The following VPS25 variants were observed in gnomAD, a reference collection of about 807,000 sequenced individuals.
The protein encoded by VPS25 is vacuolar protein-sorting-associated protein 25.
A neutral mutation model predicts 30.3 loss-of-function variants in VPS25; 21 were observed. The ratio of observed to expected loss-of-function variants is 0.69; its 90% CI spans 0.49 to 1.00. The LOEUF is 1.00. Ranked by LOEUF, VPS25 falls within the 50% of genes least tolerant of loss-of-function variation. The pLI is 0.00. For synonymous variants in VPS25, 101 were observed against 88.1 expected (o/e 1.15, Z -0.82); for missense variants, 156 against 217.2 (o/e 0.72, Z 1.77).
At position 42,773,844 on chromosome 17, in the gene VPS25, G is replaced by GGA; in HGVS notation, c.169_170dup (p.Ser57ArgfsTer23). 1 of 1,613,946 alleles carries GGA rather than the reference G, an allele frequency of 6.2e-7. No homozygotes were observed. The highest frequency in any genetic ancestry group is 8.5e-7 in the Non-Finnish European group (1 of 1,180,028). On this transcript the variant is annotated frameshift_variant, in exon 2 of 6. Transcript: ENST00000253794. LOFTEE classifies it high-confidence loss of function. The stretch of plus-strand genomic sequence containing the variant: ...CCAGCATGACGGTGATGGAAGCTCA[G>GGA]GAGAGCCCGCTCTTCAACAACGTCA...
In VPS25 at chr17:42,779,314, AGACTGTCCTT is replaced by A; in HGVS notation, c.*248_*257del. The stretch of plus-strand genomic sequence containing the variant: ...CTCGCCCTACCTCCTTTCCCATCCT[AGACTGTCCTT>A]GAGCCAGGGTCTGTAAACCTGACAC... On this transcript the variant is annotated 3_prime_UTR_variant, in exon 6 of 6. Transcript: ENST00000253794. 1 of 458,432 alleles carries A rather than the reference AGACTGTCCTT, an allele frequency of 2.2e-6. No individual in the cohort carries two copies. Among genetic ancestry groups the A allele is most frequent in the Admixed American group, 3.4e-5 (1 of 29,660 alleles). 28.4% of individuals were successfully genotyped at this position (458,432 alleles called of 1,614,324 possible).
intron 5 of VPS25, 79 bp from the exon 6 acceptor site, chr17:42,778,878 C>T (rs1243215718): frequency 5.9e-6 from 8 of 1,366,562 alleles, no homozygotes; most frequent in Admixed American, 3.8e-5. Flanking sequence ...TGGGAGGTCT[C>T]GGCTTCCAGC....
chr17:42,777,751 AAGGATTTGTAT>A (rs2054444152), intron 5 of VPS25, among the ~76,000 whole-genome samples: 1 of 152,150 alleles, frequency 6.6e-6, no homozygotes, highest in Non-Finnish European at 1.5e-5. Flanking sequence ...CTGGCCAGGC[AAGGATTTGTAT>A]AGTGTTTGAT....
At chr17:42,776,385 T>C (rs2054435781) in intron 5 of VPS25, 65 bp downstream of exon 5, 1 of 1,488,606 alleles carries the variant, frequency 6.7e-7, no homozygotes, top group South Asian at 1.2e-5. Context: ...TTTTCCGATA[T>C]GGAGTCTTGC....
chr17:42,773,877 G>T lies in VPS25; in HGVS notation c.198G>T (p.Gln66His). Residue 66 changes from glutamine to histidine, a missense_variant and splice_region_variant, in exon 2 of 6, where the codon CAG becomes CAT. Physicochemically the swap from Gln to His is conservative, Grantham distance 24 (BLOSUM62 0). Coordinates refer to ENST00000253794, the MANE Select transcript of VPS25 (RefSeq NM_032353.4). ...ESPLFNNVKL[Q>H]RKLPVESIQI... ...CGCTCTTCAACAACGTCAAGCTACA[G>T]CGTATCCTCCCTCAGGCTCTTCCAC... 1 of 1,612,622 alleles carries T rather than the reference G, an allele frequency of 6.2e-7. No homozygotes were observed.
At position 42,773,548 on chromosome 17, in the gene VPS25, A is replaced by G. The variant is rs763093241; in HGVS notation, c.53+20A>G. 1 of 1,614,050 alleles carries G rather than the reference A, an allele frequency of 6.2e-7. No homozygotes were observed. Among genetic ancestry groups the G allele is most frequent in the Non-Finnish European group, 8.5e-7 (1 of 1,179,996 alleles). ...CTTTACGTGAGGCTCAGACCCCAAG[A>G]AGCACCGCTGTGCCTCCCTCCCCTC... On this transcript the variant is annotated intron_variant, in intron 1 of 5. Coordinates refer to ENST00000253794, the MANE Select transcript of VPS25 (RefSeq NM_032353.4).
Position 42,776,857 on chromosome 17 carries a change from C to T in VPS25, c.418+537C>T, listed in dbSNP as rs533805168. Among the ~76,000 whole-genome samples, 30 of 152,314 alleles carry T rather than the reference C, an allele frequency of 2.0e-4. No homozygotes were observed. The South Asian group carries it at 5.8e-3, about 29-fold the overall frequency. On this transcript the variant is annotated intron_variant, in intron 5 of 5. Coordinates refer to ENST00000253794, the MANE Select transcript of VPS25 (RefSeq NM_032353.4). ...AATTTTGTTTTTGTGGATGCATGTGCATTTTTCTAGGGATAGATTAGATAT... is the reference window on the plus strand; with the variant it reads ...AATTTTGTTTTTGTGGATGCATGTGTATTTTTCTAGGGATAGATTAGATAT...
At chr17:42,774,312 A>T (rs1251353987) in intron 2 of VPS25, 2 of 296,632 alleles carry the variant, frequency 6.7e-6, no homozygotes, top group African/African-American at 4.3e-5. Flanking sequence ...GGCTGAAGGA[A>T]GGCAACAGAC....
intron 3 of VPS25, chr17:42,774,996 G>A (rs1322303765): frequency 1.0e-5 from 4 of 394,572 alleles, no homozygotes; most frequent in African/African-American, 6.1e-5. Flanking sequence ...CTTCCACTCT[G>A]TCCCACCTTG....
At position 42,779,450 on chromosome 17, in the gene VPS25, TCTC is replaced by T. The variant is rs1302968050; in HGVS notation, c.*382_*384del. 1 of 205,844 alleles carries T rather than the reference TCTC, an allele frequency of 4.9e-6. No individual in the cohort carries two copies. Among genetic ancestry groups the T allele is most frequent in the Non-Finnish European group, 1.0e-5 (1 of 97,732 alleles). 12.8% of individuals were successfully genotyped at this position (205,844 alleles called of 1,614,324 possible). A position where few individuals can be genotyped will look rare whatever the true frequency, so the allele number is the denominator to read the frequency against. On this transcript the variant is annotated 3_prime_UTR_variant, in exon 6 of 6. Coordinates refer to ENST00000253794, the MANE Select transcript of VPS25 (RefSeq NM_032353.4). Reference sequence around the variant, plus strand: ...CCCCTTTAGCTGCTGTTGCCTCCCTTCTCAGGCTGGTGCTGGATCCTTCCTAGG... The same window carrying T: ...CCCCTTTAGCTGCTGTTGCCTCCCTTAGGCTGGTGCTGGATCCTTCCTAGG...
intron 5 of VPS25, among the ~76,000 whole-genome samples, chr17:42,777,809 C>T (rs766662007): frequency 1.3e-5 from 2 of 152,154 alleles, no homozygotes; most frequent in Non-Finnish European, 2.9e-5. Flanking sequence ...TCTTTTTCTC[C>T]GACTCCAGAT....
intron 4 of VPS25, among the ~76,000 whole-genome samples, chr17:42,775,903 C>A (rs1473089103): frequency 6.6e-6 from 1 of 152,186 alleles, no homozygotes; most frequent in African/African-American, 2.4e-5. Flanking sequence ...AACCACCAGT[C>A]CCAAACATTC....
intron 3 of VPS25, 143 bp from the exon 4 acceptor site, chr17:42,775,237 AT>A (rs2054429722): frequency 1.7e-6 from 1 of 600,122 alleles, no homozygotes; most frequent in Non-Finnish European, 2.9e-6. Flanking sequence ...TATAGAGAGA[AT>A]TTTTTTGTAT....
chr17:42,775,519 T>C, intron 4 of VPS25, 50 bp downstream of exon 4: 1 of 1,489,728 alleles, frequency 6.7e-7, no homozygotes, highest in South Asian at 1.1e-5. Flanking sequence ...TGGAAAAGGT[T>C]AACTATATTA....
intron 3 of VPS25, 86 bp from the exon 4 acceptor site, chr17:42,775,294 TG>T: frequency 1.0e-6 from 1 of 1,004,266 alleles, no homozygotes; most frequent in Non-Finnish European, 1.5e-6. Context: ...TTCGAACTCC[TG>T]GGCTCAAGCA....
At position 42,774,668 on chromosome 17, in the gene VPS25, C is replaced by G; in HGVS notation, c.222C>G (p.Ile74Met). 1.2e-6 allele frequency: 2 copies of G among 1,613,170 alleles called. No individual in the cohort carries two copies. The highest frequency in any genetic ancestry group is 2.2e-5 in the East Asian group (1 of 44,872). ...CAGGAAAGCTTCCTGTGGAGTCGAT[C>G]CAGATTGTATTAGAGGAACTGAGGA... ...KLQRKLPVESIQIVLEELRKK... is the reference protein window; with the variant it reads ...KLQRKLPVESMQIVLEELRKK... Residue 74 changes from isoleucine (I) to methionine (M), a missense_variant, in exon 3 of 6, where the codon ATC becomes ATG. Coordinates refer to ENST00000253794, the MANE Select transcript of VPS25 (RefSeq NM_032353.4).
rs766312236 is a variant in VPS25, at chr17:42,775,385, C to T, written c.258C>T (p.Asn86=). The T allele has an allele frequency of 1.2e-6, 2 of 1,613,610 alleles. No homozygotes were observed. The highest frequency in any genetic ancestry group is 1.7e-5 in the Admixed American group (1 of 59,952). Residue 86 remains asparagine (N), a synonymous_variant, in exon 4 of 6, where the codon AAC becomes AAT. Coordinates refer to ENST00000253794, the MANE Select transcript of VPS25 (RefSeq NM_032353.4). Reference sequence around the variant, plus strand: ...TCATAAGTATCTGTTTTACAGGGAACCTCGAGTGGTTGGATAAGAGCAAGT... The same window carrying T: ...TCATAAGTATCTGTTTTACAGGGAATCTCGAGTGGTTGGATAAGAGCAAGT... ...IVLEELRKKG[N]LEWLDKSKSS... is the part of the protein sequence containing the mutation.
At chr17:42,775,190 T>C (rs557076415) in intron 3 of VPS25, 191 bp from the exon 4 acceptor site, 5 of 545,488 alleles carry the variant, frequency 9.2e-6, no homozygotes, top group Non-Finnish European at 1.6e-5. Context: ...ACCTCAGGCA[T>C]GTGTCACCAC....
At chr17:42,774,399 G>A (rs915609828) in intron 2 of VPS25, 4 of 371,566 alleles carry the variant, frequency 1.1e-5, no homozygotes, top group African/African-American at 8.6e-5. Flanking sequence ...TTGGAGACAG[G>A]GTCTTCCTCT....
Sources: allele counts gnomAD v4.1 joint callset (sites outside exome capture counted in the v4.1 genomes callset), GRCh38; gene constraint gnomAD v4.1.1; transcripts MANE v1.5; gene names NCBI Gene and HGNC (gene_info 2026-07-23, HGNC 2026-07-21).